The following HCN1 variants were observed in gnomAD, a reference collection of about 807,000 sequenced individuals.
HCN1 encodes the protein hyperpolarization activated cyclic nucleotide gated potassium channel 1, also known as potassium/sodium hyperpolarization-activated cyclic nucleotide-gated channel 1.
A neutral mutation model predicts 78.9 loss-of-function variants in HCN1; 13 were observed. That is an observed-to-expected ratio of 0.16 (90% CI 0.11 to 0.26). HCN1 has a LOEUF of 0.26. Among genes scored for constraint, HCN1 ranks in the 10% least tolerant of loss-of-function variants. HCN1 has a pLI of 1.00. For synonymous variants in HCN1, 552 were observed against 455.5 expected (o/e 1.21, Z -2.70); for missense variants, 810 against 1,154.3 (o/e 0.70, Z 4.32).
intron 2 of HCN1, among the ~76,000 whole-genome samples, chr5:45,522,165 G>A (rs1239268596): frequency 6.6e-6 from 1 of 151,744 alleles, no homozygotes. Context: ...TTTCTTAACA[G>A]TATTTCTAAT....
chr5:45,562,250 C>T (rs1451874316), intron 2 of HCN1, among the ~76,000 whole-genome samples: 1 of 152,106 alleles, frequency 6.6e-6, no homozygotes, highest in East Asian at 1.9e-4. Context: ...TTTCATAATG[C>T]TTTATGTGTA....
Position 45,321,912 on chromosome 5 carries a change from C to A in HCN1, c.1378-18073G>T, listed in dbSNP as rs192875659. ...ATGTTTATTTTGCATACAAAAATAA[C>A]TTTATCTTCAATTATATACATTCAT... On this transcript the variant is annotated intron_variant, in intron 5 of 7. Coordinates refer to ENST00000303230, the MANE Select transcript of HCN1 (RefSeq NM_021072.4). Among the ~76,000 whole-genome samples the A allele has an allele frequency of 2.6e-5, 4 of 151,926 alleles. No individual in the cohort carries two copies. The East Asian group carries it at 5.8e-4, about 22-fold the overall frequency.
chr5:45,633,599 A>T (rs1004690360), intron 2 of HCN1, among the ~76,000 whole-genome samples: 2 of 151,986 alleles, frequency 1.3e-5, no homozygotes, highest in Non-Finnish European at 2.9e-5. Flanking sequence ...CCACAAAAAT[A>T]CAAATTTTCT....
chr5:45,532,537 G>A (rs1297659038), intron 2 of HCN1, among the ~76,000 whole-genome samples: 5 of 152,136 alleles, frequency 3.3e-5, no homozygotes, highest in Admixed American at 3.3e-4. Context: ...TAATTATGGA[G>A]CATGGCTTTA....
At chr5:45,333,218 T>G (rs550167618) in intron 5 of HCN1, among the ~76,000 whole-genome samples, 161 of 152,032 alleles carry the variant, frequency 1.1e-3, no homozygotes, top group African/African-American at 3.7e-3. Context: ...TAGTTTTGAT[T>G]TGCGTTTCTC....
At chr5:45,684,728 G>C (rs1739770444) in intron 1 of HCN1, among the ~76,000 whole-genome samples, 1 of 152,124 alleles carries the variant, frequency 6.6e-6, no homozygotes, top group African/African-American at 2.4e-5. Flanking sequence ...AGGTGTGGTT[G>C]GTGCATGCCT....
chr5:45,339,116 C>T (rs527999010), intron 5 of HCN1, among the ~76,000 whole-genome samples: 10 of 152,210 alleles, frequency 6.6e-5, no homozygotes, highest in African/African-American at 2.4e-4. Flanking sequence ...AGTCATGATT[C>T]TTAGTATGAT....
intron 6 of HCN1, among the ~76,000 whole-genome samples, chr5:45,278,287 G>T (rs1444213392): frequency 6.6e-6 from 1 of 152,048 alleles, no homozygotes; most frequent in Non-Finnish European, 1.5e-5. Context: ...GAGAGGTCTT[G>T]AGGTAAGTAG....
chr5:45,673,672 CA>C (rs1195128329), intron 1 of HCN1, among the ~76,000 whole-genome samples: 1 of 151,326 alleles, frequency 6.6e-6, no homozygotes, highest in African/African-American at 2.4e-5. Context: ...ATCAGTATCA[CA>C]AGTAGGGGTT....
chr5:45,264,978 T>G (rs1208193604), intron 7 of HCN1, among the ~76,000 whole-genome samples: 1 of 152,118 alleles, frequency 6.6e-6, no homozygotes, highest in African/African-American at 2.4e-5. Context: ...ATCATGAGGT[T>G]AGGAGGTCAA....
chr5:45,267,226 C>A lies in HCN1; in HGVS notation c.1646G>T (p.Arg549Leu), dbSNP rs2111846874. ...TGTATCAGCTCGAACACTGGCAGTA[C>A]GACGTCCTTTGGTCAGCAGGCAAAT... is the stretch of plus-strand genomic sequence containing the variant. ...GEICLLTKGR[R>L]TASVRADTYC... is the part of the protein sequence containing the mutation. Residue 549 changes from arginine to leucine, a missense_variant, in exon 7 of 8, where the codon CGT becomes CTT. By Grantham distance (102) the Arg-to-Leu change is moderately radical. Transcript: ENST00000303230. The A allele has an allele frequency of 6.2e-7, 1 of 1,613,854 alleles. No homozygotes were observed.
chr5:45,297,049 G>T (rs1561093276), intron 6 of HCN1, among the ~76,000 whole-genome samples: 1 of 151,884 alleles, frequency 6.6e-6, no homozygotes, highest in East Asian at 1.9e-4. Flanking sequence ...GAAATCAGAG[G>T]TCTCACAGCC....
chr5:45,497,337 A>C (rs1352542475), intron 2 of HCN1, among the ~76,000 whole-genome samples: 1 of 152,162 alleles, frequency 6.6e-6, no homozygotes, highest in South Asian at 2.1e-4. Context: ...GTGGGAGTCT[A>C]AGATTCTTTG....
intron 4 of HCN1, among the ~76,000 whole-genome samples, chr5:45,361,767 T>A (rs990167839): frequency 6.6e-6 from 1 of 152,206 alleles, no homozygotes. Flanking sequence ...ACATAGGTTT[T>A]CATTTATCAA....
chr5:45,322,938 A>G (rs1246201198), intron 5 of HCN1, among the ~76,000 whole-genome samples: 1 of 151,840 alleles, frequency 6.6e-6, no homozygotes, highest in Non-Finnish European at 1.5e-5. Flanking sequence ...GTCTGATATA[A>G]TAGTTCCTAA....
intron 5 of HCN1, among the ~76,000 whole-genome samples, chr5:45,306,862 A>G (rs1745745387): frequency 6.6e-6 from 1 of 152,092 alleles, no homozygotes; most frequent in African/African-American, 2.4e-5. Context: ...TTGCTTGCTA[A>G]GGAAGGCAAA....
chr5:45,614,533 T>C (rs1744904444), intron 2 of HCN1, among the ~76,000 whole-genome samples: 1 of 152,070 alleles, frequency 6.6e-6, no homozygotes, highest in Non-Finnish European at 1.5e-5. Context: ...TTGACAATGG[T>C]TGTGGTTTAA....
rs180890162 is a variant in HCN1 at position 45,616,189 on chromosome 5, A to G, written c.849+28996T>C. Among the ~76,000 whole-genome samples, 182 of 151,998 alleles carry G rather than the reference A, an allele frequency of 1.2e-3. 1 individual carries two copies. The highest frequency in any genetic ancestry group is 4.3e-3 in the African/African-American group (177 of 41,530). On this transcript the variant is annotated intron_variant, in intron 2 of 7. Transcript: ENST00000303230. Reference sequence around the variant, plus strand: ...AACAGGAAAGAATAAACTGGGAATAACTTCTCAGATAAATCTTCACAATGC... The same window carrying G: ...AACAGGAAAGAATAAACTGGGAATAGCTTCTCAGATAAATCTTCACAATGC...
chr5:45,502,627 TTTAG>T (rs1014306780), intron 2 of HCN1, among the ~76,000 whole-genome samples: 2 of 152,156 alleles, frequency 1.3e-5, no homozygotes, highest in Non-Finnish European at 2.9e-5. Flanking sequence ...TGGAAAGAAC[TTTAG>T]TTACTCAGAG....
Sources: gnomAD v4.1 joint callset for allele counts (sites outside exome capture counted in the v4.1 genomes callset) on GRCh38, gnomAD v4.1.1 for gene constraint, MANE v1.5 for transcripts, NCBI Gene and HGNC (gene_info 2026-07-23, HGNC 2026-07-21) for gene names.